Variants in NYAP2 observed in about 807,000 individuals in gnomAD.
NYAP2 encodes neuronal tyrosine-phosphorylated phosphoinositide-3-kinase adaptor 2, also known as neuronal tyrosine-phosphorylated phosphoinositide-3-kinase adapter 2.
NYAP2 carries 23 observed loss-of-function variants against 50.4 expected under a neutral mutation model. The observed-to-expected ratio is 0.46, with a 90% CI of 0.33 to 0.65. NYAP2 has a LOEUF of 0.65. Among genes scored for constraint, NYAP2 ranks in the 30% least tolerant of loss-of-function variants. The pLI is 0.02. For missense variants in NYAP2, 885 were observed against 861.0 expected, an observed-to-expected ratio of 1.03 and a Z score of -0.35; for synonymous variants, 394 against 365.2, an observed-to-expected ratio of 1.08 and a Z score of -0.90.
intron 5 of NYAP2, among the ~76,000 whole-genome samples, chr2:225,597,882 T>C (rs1692632891): frequency 6.6e-6 from 1 of 152,058 alleles, no homozygotes; most frequent in Non-Finnish European, 1.5e-5. Flanking sequence ...AAAATAAATA[T>C]TTTAGTAAAA....
chr2:225,407,620 G>C (rs1694964295), intron 2 of NYAP2, among the ~76,000 whole-genome samples: 1 of 151,906 alleles, frequency 6.6e-6, no homozygotes, highest in African/African-American at 2.4e-5. Context: ...ATTTGTAATT[G>C]AAAAAGTGAA....
chr2:225,514,864 T>C (rs898679186), intron 4 of NYAP2, among the ~76,000 whole-genome samples: 2 of 152,160 alleles, frequency 1.3e-5, no homozygotes, highest in Non-Finnish European at 2.9e-5. Flanking sequence ...GGGTACCAAG[T>C]ATATTTGCCG....
At chr2:225,622,506 C>T (rs1173222045) in intron 5 of NYAP2, among the ~76,000 whole-genome samples, 2 of 18,802 alleles carry the variant, frequency 1.1e-4, no homozygotes, top group African/African-American at 9.7e-5. Flanking sequence ...TATTTCTTTT[C>T]TTTCTTTCTT....
chr2:225,432,231 C>T (rs1340853880), intron 3 of NYAP2, among the ~76,000 whole-genome samples: 1 of 148,338 alleles, frequency 6.7e-6, no homozygotes, highest in Admixed American at 6.8e-5. Context: ...CTCCTGACCT[C>T]GTGATCCACC....
At chr2:225,442,281 A>G (rs1689484047) in intron 3 of NYAP2, among the ~76,000 whole-genome samples, 1 of 152,192 alleles carries the variant, frequency 6.6e-6, no homozygotes, top group African/African-American at 2.4e-5. Context: ...TAAGCACTGG[A>G]GAAGGAAAAA....
At chr2:225,476,765 A>G (rs146814080) in intron 3 of NYAP2, among the ~76,000 whole-genome samples, 1 of 152,332 alleles carries the variant, frequency 6.6e-6, no homozygotes, top group East Asian at 1.9e-4. Context: ...TTATATAGCA[A>G]TATGCCATAC....
intron 3 of NYAP2, among the ~76,000 whole-genome samples, chr2:225,446,242 CTCTCTATATATATATATATA>C (rs1445819880): frequency 2.7e-5 from 3 of 110,292 alleles, no homozygotes; most frequent in African/African-American, 1.0e-4. Flanking sequence ...CTCTCTCTCT[CTCTCTATATATATATATATA>C]TATATATATA....
At chr2:225,453,762 A>C (rs1159525091) in intron 3 of NYAP2, among the ~76,000 whole-genome samples, 1 of 151,382 alleles carries the variant, frequency 6.6e-6, no homozygotes, top group Non-Finnish European at 1.5e-5. Flanking sequence ...CTGCCTCCCA[A>C]ATTTGAGCAA....
At position 225,582,499 on chromosome 2, in the gene NYAP2, C is replaced by G. The variant is rs375727693; in HGVS notation, c.1082C>G (p.Thr361Arg). The change falls in exon 5 of 7, where the codon ACG becomes AGG. Residue 361 changes from threonine (T) to arginine (R), a missense_variant. By Grantham distance (71) the Thr-to-Arg change is moderately conservative (BLOSUM62 -1). Transcript: ENST00000636099. This position sits in a 1 kb window ranked among gnomAD's most constrained non-coding sequence, Gnocchi z 7.0. The stretch of plus-strand genomic sequence containing the variant: ...TCCCCGCTTACCCCTCTGGAGGTCA[C>G]GAAGCTTCCCGTGCTGGAAAACGTG... 1.3e-6 allele frequency: 2 copies of G among 1,554,398 alleles called. No individual in the cohort carries two copies. The highest frequency in any genetic ancestry group is 2.3e-5 in the East Asian group (1 of 44,014).
In NYAP2 at chr2:225,551,539, T is replaced by C. The variant is rs1006950242; in HGVS notation, c.524-30402T>C. On this transcript the variant is annotated intron_variant, in intron 4 of 6. Transcript: ENST00000636099. Reference sequence around the variant, plus strand: ...CAAGGCAGTGAGAAATAATAATTCATTGTTGAGCCATAAAGTTATGGGGTG... The same window carrying C: ...CAAGGCAGTGAGAAATAATAATTCACTGTTGAGCCATAAAGTTATGGGGTG... Among the ~76,000 whole-genome samples, 3 of 152,150 alleles carry C rather than the reference T, an allele frequency of 2.0e-5. 1 individual carries two copies. Among genetic ancestry groups the C allele is most frequent in the Non-Finnish European group, 4.4e-5 (3 of 68,024 alleles).
At chr2:225,620,394 C>G (rs900615412) in intron 5 of NYAP2, among the ~76,000 whole-genome samples, 2 of 151,622 alleles carry the variant, frequency 1.3e-5, no homozygotes, top group African/African-American at 4.9e-5. Context: ...CACGCACGCA[C>G]GCACACACGC....
intron 5 of NYAP2, among the ~76,000 whole-genome samples, chr2:225,602,284 G>A (rs188535230): frequency 4.0e-4 from 61 of 152,298 alleles, no homozygotes; most frequent in Middle Eastern, 6.8e-3. Context: ...CTTAGCTCAC[G>A]GTCAATTACG....
In NYAP2 at chr2:225,643,266, A is replaced by T. The variant is rs1693563705; in HGVS notation, c.1829-8166A>T. Reference sequence around the variant, plus strand: ...TTTTGCCATAGAGATTTTTCCAGGAAAGCATTTCCTAACTGGTGGTTCCCA... The same window carrying T: ...TTTTGCCATAGAGATTTTTCCAGGATAGCATTTCCTAACTGGTGGTTCCCA... On this transcript the variant is annotated intron_variant, in intron 6 of 6. Transcript: ENST00000636099. 1.3e-5 allele frequency among the ~76,000 whole-genome samples: 2 copies of T among 152,140 alleles called. 1 individual carries two copies. Among genetic ancestry groups the T allele is most frequent in the South Asian group, 4.2e-4 (2 of 4,818 alleles).
chr2:225,410,817 G>T (rs952945667), intron 3 of NYAP2, among the ~76,000 whole-genome samples: 1 of 152,018 alleles, frequency 6.6e-6, no homozygotes, highest in African/African-American at 2.4e-5. Context: ...TCAAAAAGGG[G>T]CATAACCTCA....
chr2:225,687,818 A>T, the NYAP2 span, among the ~76,000 whole-genome samples: 2 of 152,174 alleles, frequency 1.3e-5, no homozygotes, highest in African/African-American at 2.4e-5. Flanking sequence ...TGGACAGAGA[A>T]CGGGAAAGGT....
intron 4 of NYAP2, among the ~76,000 whole-genome samples, chr2:225,530,335 G>A (rs1216064833): frequency 6.6e-6 from 1 of 152,048 alleles, no homozygotes; most frequent in African/African-American, 2.4e-5. Context: ...TCCTGCACAT[G>A]TTTGCTCTGA....
intron 3 of NYAP2, 68 bp from the exon 4 acceptor site, chr2:225,513,303 C>T: frequency 7.0e-7 from 1 of 1,424,336 alleles, no homozygotes; most frequent in Non-Finnish European, 9.7e-7. Flanking sequence ...GTAATATTCT[C>T]ACATGTATGA....
intron 3 of NYAP2, among the ~76,000 whole-genome samples, chr2:225,444,888 T>C (rs1303416427): frequency 1.3e-5 from 2 of 152,210 alleles, no homozygotes; most frequent in South Asian, 2.1e-4. Context: ...GTGCCTCTCA[T>C]AAAATTGAAG....
chr2:225,607,158 A>G (rs1012192670), intron 5 of NYAP2, among the ~76,000 whole-genome samples: 5 of 152,064 alleles, frequency 3.3e-5, no homozygotes, highest in Non-Finnish European at 7.4e-5. Context: ...CGGCCCTTTC[A>G]TTTATTTTTT....
Sources: allele counts gnomAD v4.1 joint callset (sites outside exome capture counted in the v4.1 genomes callset), GRCh38; gene constraint gnomAD v4.1.1; non-coding constraint Gnocchi (gnomAD v3.1); transcripts MANE v1.5; gene names NCBI Gene and HGNC (gene_info 2026-07-23, HGNC 2026-07-21).